CFAP299: variants seen among roughly 807,000 people sequenced by gnomAD.
The protein encoded by CFAP299 is cilia- and flagella-associated protein 299.
Under a neutral mutation model 27.0 loss-of-function variants are expected in CFAP299, and 21 were observed. That is an observed-to-expected ratio of 0.78 (90% CI 0.55 to 1.12). The LOEUF is 1.12. CFAP299 is among the 50% of genes most tolerant of loss of function. The pLI is 0.00. For missense variants in CFAP299, 310 were observed against 276.6 expected (o/e 1.12, Z -0.86); for synonymous variants, 104 against 98.1 (o/e 1.06, Z -0.36).
intron 3 of CFAP299, among the ~76,000 whole-genome samples, chr4:80,861,025 A>G (rs1409794132): frequency 6.6e-6 from 1 of 152,224 alleles, no homozygotes; most frequent in Non-Finnish European, 1.5e-5. Flanking sequence ...TGGAGCCTAC[A>G]GAGGCAGGCA....
chr4:80,326,379 G>A, the CFAP299 span, among the ~76,000 whole-genome samples: 273 of 152,304 alleles, frequency 1.8e-3, no homozygotes, highest in Admixed American at 5.4e-3. Context: ...AGTGTAATAG[G>A]TAAGAGCTGG....
Position 80,513,956 on chromosome 4 carries a change from T to C in CFAP299, c.243-69137T>C, listed in dbSNP as rs560533497. On this transcript the variant is annotated intron_variant, in intron 2 of 5. Transcript: ENST00000358105. ...ATATGAAGGAGGAAAACAGACAATATGGAGGGAAGAGAACCAAAAGATAAT... is the reference window on the plus strand; with the variant it reads ...ATATGAAGGAGGAAAACAGACAATACGGAGGGAAGAGAACCAAAAGATAAT... 8.5e-5 allele frequency among the ~76,000 whole-genome samples: 13 copies of C among 152,168 alleles called. No individual in the cohort carries two copies. The South Asian group carries it at 2.7e-3, about 32-fold the overall frequency.
chr4:80,566,275 A>G (rs1174095382), intron 2 of CFAP299, among the ~76,000 whole-genome samples: 1 of 152,010 alleles, frequency 6.6e-6, no homozygotes, highest in Non-Finnish European at 1.5e-5. Flanking sequence ...AAGCCTTTCT[A>G]ATAGTATTTT....
In CFAP299 at chr4:80,529,386, G is replaced by A. The variant is rs559403864; in HGVS notation, c.243-53707G>A. 4.1e-4 allele frequency among the ~76,000 whole-genome samples: 63 copies of A among 152,082 alleles called. 1 individual carries two copies. Among genetic ancestry groups the A allele is most frequent in the Non-Finnish European group, 1.5e-4 (10 of 67,994 alleles). On this transcript the variant is annotated intron_variant, in intron 2 of 5. Transcript: ENST00000358105. ...TACTGCATCATATACAACAGACTATGTTCTTATGTTTTAAACATTGACTAG... is the reference window on the plus strand; with the variant it reads ...TACTGCATCATATACAACAGACTATATTCTTATGTTTTAAACATTGACTAG...
At chr4:80,712,063 C>T (rs1410052609) in intron 3 of CFAP299, among the ~76,000 whole-genome samples, 1 of 152,130 alleles carries the variant, frequency 6.6e-6, no homozygotes, top group Non-Finnish European at 1.5e-5. Flanking sequence ...GCCAAGTGCA[C>T]GTATCTCAAA....
chr4:80,558,479 G>T (rs1297690817), intron 2 of CFAP299, among the ~76,000 whole-genome samples: 2 of 150,676 alleles, frequency 1.3e-5, no homozygotes, highest in East Asian at 2.0e-4. Flanking sequence ...CTGCAGTCCT[G>T]ACAAAGGTAG....
intron 4 of CFAP299, among the ~76,000 whole-genome samples, chr4:80,924,401 C>A (rs1444223683): frequency 2.0e-5 from 3 of 151,618 alleles, no homozygotes; most frequent in Non-Finnish European, 4.4e-5. Flanking sequence ...TTACTTGTGG[C>A]AGACCAAGTT....
intron 2 of CFAP299, among the ~76,000 whole-genome samples, chr4:80,469,087 C>T (rs1168436117): frequency 1.3e-5 from 2 of 152,148 alleles, no homozygotes; most frequent in Non-Finnish European, 2.9e-5. Context: ...TTTACAGTTC[C>T]AGGCCAGTGG....
At chr4:80,482,608 T>G (rs1302184471) in intron 2 of CFAP299, among the ~76,000 whole-genome samples, 1 of 152,156 alleles carries the variant, frequency 6.6e-6, no homozygotes, top group Admixed American at 6.5e-5. Context: ...TATATTGTTT[T>G]CAGTGATGGA....
chr4:80,943,832 G>A (rs1355929994), intron 4 of CFAP299, among the ~76,000 whole-genome samples: 1 of 152,072 alleles, frequency 6.6e-6, no homozygotes, highest in Non-Finnish European at 1.5e-5. Flanking sequence ...ACTTTGGGAG[G>A]CCAAGGTGGG....
At chr4:80,547,521 C>T (rs1318474664) in intron 2 of CFAP299, among the ~76,000 whole-genome samples, 2 of 152,038 alleles carry the variant, frequency 1.3e-5, no homozygotes. Flanking sequence ...CAAAAATTGA[C>T]AAGTGTGACC....
At chr4:80,783,155 T>C (rs1727028239) in intron 3 of CFAP299, among the ~76,000 whole-genome samples, 1 of 151,122 alleles carries the variant, frequency 6.6e-6, no homozygotes, top group African/African-American at 2.4e-5. Context: ...GCAGCAAATC[T>C]CTGAAGGCTT....
At chr4:80,657,796 T>C (rs1488395286) in intron 3 of CFAP299, among the ~76,000 whole-genome samples, 2 of 152,198 alleles carry the variant, frequency 1.3e-5, no homozygotes, top group African/African-American at 2.4e-5. Flanking sequence ...GGGGATATCA[T>C]TGAATCTATA....
At chr4:80,711,572 C>T (rs1336071558) in intron 3 of CFAP299, among the ~76,000 whole-genome samples, 4 of 152,010 alleles carry the variant, frequency 2.6e-5, no homozygotes, top group Admixed American at 1.3e-4. Context: ...ATTTATTTTA[C>T]GGATGAGGAA....
At chr4:80,935,442 AT>A (rs572873241) in intron 4 of CFAP299, among the ~76,000 whole-genome samples, 4 of 151,682 alleles carry the variant, frequency 2.6e-5, no homozygotes, top group East Asian at 3.9e-4. Flanking sequence ...GACAAATATG[AT>A]TTTTTTTAAA....
chr4:80,838,873 G>A (rs1171977929), intron 3 of CFAP299, among the ~76,000 whole-genome samples: 1 of 152,048 alleles, frequency 6.6e-6, no homozygotes, highest in Non-Finnish European at 1.5e-5. Context: ...ACTCTTATCT[G>A]CTGATTTTGT....
At chr4:80,428,859 T>C (rs1727662277) in intron 2 of CFAP299, among the ~76,000 whole-genome samples, 1 of 152,166 alleles carries the variant, frequency 6.6e-6, no homozygotes, top group Admixed American at 6.5e-5. Context: ...TCTTTTAAAA[T>C]GAAAACATGA....
chr4:80,608,382 C>T, intron 3 of CFAP299: 1 of 1,523,988 alleles, frequency 6.6e-7, no homozygotes, highest in Non-Finnish European at 8.8e-7. Flanking sequence ...AAGCAACTGG[C>T]AGTAAGTACT....
At chr4:80,579,875 A>G (rs1392422011) in intron 2 of CFAP299, among the ~76,000 whole-genome samples, 1 of 152,126 alleles carries the variant, frequency 6.6e-6, no homozygotes, top group African/African-American at 2.4e-5. Flanking sequence ...TGTGATCATT[A>G]CCTTTTGTGC....
Sources: gnomAD v4.1 joint callset for allele counts (sites outside exome capture counted in the v4.1 genomes callset) on GRCh38, gnomAD v4.1.1 for gene constraint, MANE v1.5 for transcripts, NCBI Gene and HGNC (gene_info 2026-07-23, HGNC 2026-07-21) for gene names.